The following SYNPO2 variants were observed in gnomAD, a reference collection of about 807,000 sequenced individuals.
SYNPO2 encodes the protein synaptopodin 2.
SYNPO2 carries 56 observed loss-of-function variants against 85.0 expected under a neutral mutation model. The observed-to-expected ratio is 0.66, with a 90% CI of 0.53 to 0.82. The LOEUF (loss-of-function observed/expected upper bound fraction) is 0.82, where lower values mean the gene tolerates loss of function less well. Ranked by LOEUF, SYNPO2 falls within the 40% of genes least tolerant of loss-of-function variation. The pLI, the probability that SYNPO2 is intolerant of heterozygous loss-of-function variation, is 0.00. For missense variants in SYNPO2, 1,575 were observed against 1,534.2 expected (o/e 1.03, Z -0.44); for synonymous variants, 602 against 591.1 (o/e 1.02, Z -0.27).
upstream of SYNPO2, among the ~76,000 whole-genome samples, chr4:118,887,064 C>T (rs1358863667): frequency 6.6e-6 from 1 of 152,102 alleles, no homozygotes; most frequent in Non-Finnish European, 1.5e-5. Context: ...AAGTTCTCCC[C>T]ATGTCTGTAT....
At chr4:119,004,215 C>T (rs1419123650) in intron 1 of SYNPO2, among the ~76,000 whole-genome samples, 1 of 151,514 alleles carries the variant, frequency 6.6e-6, no homozygotes, top group Admixed American at 6.6e-5. Context: ...GGAAATTGTT[C>T]AAAATTACCT....
rs768631943 is a variant in SYNPO2, at chr4:119,030,042, G to A, written c.1267G>A (p.Glu423Lys). Residue 423 changes from glutamate (E) to lysine (K), a missense_variant, in exon 4 of 5, where the codon GAG (glutamate) becomes AAG (lysine). Transcript: ENST00000307142. ...GTGELEREAD[E>K]EEEGDKEDTC... ...TGGCGAGCTTGAGCGAGAGGCGGACGAGGAGGAAGAAGGTGACAAGGAGGA... is the reference window on the plus strand; with the variant it reads ...TGGCGAGCTTGAGCGAGAGGCGGACAAGGAGGAAGAAGGTGACAAGGAGGA... The A allele has an allele frequency of 5.0e-6, 8 of 1,614,088 alleles. No homozygotes were observed.
intron 1 of SYNPO2, among the ~76,000 whole-genome samples, chr4:118,906,669 ATAAT>A (rs1328320125): frequency 2.0e-5 from 3 of 152,140 alleles, no homozygotes; most frequent in African/African-American, 7.2e-5. Flanking sequence ...TCTCCAAATT[ATAAT>A]TTGTATCTTT....
intron 1 of SYNPO2, among the ~76,000 whole-genome samples, chr4:118,941,612 C>T (rs1200897868): frequency 6.6e-6 from 1 of 152,202 alleles, no homozygotes; most frequent in East Asian, 1.9e-4. Flanking sequence ...TCTAATCCTT[C>T]CTCAGGGAAG....
chr4:119,030,067 A>C lies in SYNPO2; in HGVS notation c.1292A>C (p.Asp431Ala), dbSNP rs143692242. 7 of 1,614,012 alleles carry C rather than the reference A, an allele frequency of 4.3e-6. No individual in the cohort carries two copies. The highest frequency in any genetic ancestry group is 5.1e-6 in the Non-Finnish European group (6 of 1,180,024). The change falls in exon 4 of 5, where the codon GAT becomes GCT. Residue 431 changes from aspartate to alanine, a missense_variant. Transcript: ENST00000307142. ...GAGGAGGAAGAAGGTGACAAGGAGG[A>C]TACATGTGAAGTAGCATTTCTTGGT... ...ADEEEEGDKE[D>A]TCEVAFLGAS...
In SYNPO2 at chr4:119,030,385, A is replaced by G. The variant is rs1738175075; in HGVS notation, c.1610A>G (p.Gln537Arg). Residue 537 changes from glutamine (Q) to arginine (R), a missense_variant, in exon 4 of 5, where the codon CAA becomes CGA. Transcript: ENST00000307142. ...TDGLRTTTSY[Q>R]RKEEESVRTQ... ...GGCCTGAGAACCACGACTTCTTACC[A>G]AAGAAAGGAGGAAGAGTCGGTAAGA... 2.5e-6 allele frequency: 4 copies of G among 1,614,054 alleles called. No homozygotes were observed. The highest frequency in any genetic ancestry group is 1.3e-5 in the African/African-American group (1 of 74,920).
chr4:118,947,967 A>T (rs1734561504), intron 1 of SYNPO2, among the ~76,000 whole-genome samples: 1 of 152,174 alleles, frequency 6.6e-6, no homozygotes, highest in African/African-American at 2.4e-5. Context: ...TTAATGTTTG[A>T]TATTTCCAGG....
At chr4:118,937,186 A>G (rs186737868) in intron 1 of SYNPO2, among the ~76,000 whole-genome samples, 2 of 152,302 alleles carry the variant, frequency 1.3e-5, no homozygotes, top group South Asian at 2.1e-4. Context: ...AAAATTCCTC[A>G]TAAGTTTTGC....
At chr4:118,986,964 T>C (rs1000305891) in intron 1 of SYNPO2, among the ~76,000 whole-genome samples, 1 of 152,208 alleles carries the variant, frequency 6.6e-6, no homozygotes, top group African/African-American at 2.4e-5. Context: ...TGTCCATTCA[T>C]AGGCACTGCA....
chr4:119,026,026 C>T (rs1027687656), intron 2 of SYNPO2, among the ~76,000 whole-genome samples: 1 of 152,194 alleles, frequency 6.6e-6, no homozygotes, highest in Admixed American at 6.5e-5. Context: ...TACTCCATGA[C>T]TTAATGATTC....
At chr4:119,045,354 G>A (rs1258714257) in intron 4 of SYNPO2, among the ~76,000 whole-genome samples, 1 of 152,120 alleles carries the variant, frequency 6.6e-6, no homozygotes, top group Non-Finnish European at 1.5e-5. Context: ...GAGAGCCTGA[G>A]GTGAGAGGAT....
chr4:118,896,497 C>A (rs1315432000), intron 1 of SYNPO2, among the ~76,000 whole-genome samples: 2 of 152,096 alleles, frequency 1.3e-5, no homozygotes, highest in African/African-American at 4.8e-5. Flanking sequence ...GAGTAAACAC[C>A]TTCATGAAGT....
chr4:118,911,990 G>A (rs987448128), intron 1 of SYNPO2, among the ~76,000 whole-genome samples: 2 of 152,140 alleles, frequency 1.3e-5, no homozygotes, highest in African/African-American at 4.8e-5. Context: ...GAAAATTATG[G>A]AAAGCATTAA....
chr4:118,885,588 T>A (rs1012921654), upstream of SYNPO2, among the ~76,000 whole-genome samples: 7 of 151,754 alleles, frequency 4.6e-5, no homozygotes, highest in East Asian at 1.4e-3. Flanking sequence ...TTCTCTTGCC[T>A]CAGCCTCCCG....
At chr4:118,974,455 T>G (rs1735649706) in intron 1 of SYNPO2, among the ~76,000 whole-genome samples, 1 of 152,236 alleles carries the variant, frequency 6.6e-6, no homozygotes, top group Non-Finnish European at 1.5e-5. Flanking sequence ...TAGGTTTGAC[T>G]TCCCTCACAG....
At chr4:118,855,581 CAAA>C (rs1731491668) in intron 1 of SYNPO2, among the ~76,000 whole-genome samples, 1 of 152,030 alleles carries the variant, frequency 6.6e-6, no homozygotes, top group Non-Finnish European at 1.5e-5. Flanking sequence ...TCAATAATTT[CAAA>C]TACATTAACC....
At chr4:118,993,587 C>T (rs965122953) in intron 1 of SYNPO2, among the ~76,000 whole-genome samples, 31 of 152,134 alleles carry the variant, frequency 2.0e-4, no homozygotes, top group Non-Finnish European at 5.9e-5. Flanking sequence ...CTCCACTTTC[C>T]TCTTCAAGCA....
chr4:119,030,109 T>C lies in SYNPO2; in HGVS notation c.1334T>C (p.Val445Ala). ...TTTCTTGGTGCAAGCGAATCAGAGG[T>C]GGATGAAGAGTTATTGTCTGACGTT... is the stretch of plus-strand genomic sequence containing the variant. The part of the protein sequence containing the change: ...VAFLGASESE[V>A]DEELLSDVDD... The change falls in exon 4 of 5, where the codon GTG (valine) becomes GCG (alanine). Residue 445 changes from valine (V) to alanine (A), a missense_variant. Transcript: ENST00000307142. The C allele has an allele frequency of 1.2e-6, 2 of 1,613,516 alleles. No homozygotes were observed. The highest frequency in any genetic ancestry group is 1.7e-6 in the Non-Finnish European group (2 of 1,179,884).
At chr4:119,014,370 C>T (rs796104402) in intron 1 of SYNPO2, among the ~76,000 whole-genome samples, 10 of 152,218 alleles carry the variant, frequency 6.6e-5, no homozygotes, top group East Asian at 1.9e-4. Context: ...GCCAAGATTG[C>T]GTCTCTGCCC....
Sources: gnomAD v4.1 joint callset for allele counts (sites outside exome capture counted in the v4.1 genomes callset) on GRCh38, gnomAD v4.1.1 for gene constraint, MANE v1.5 for transcripts, NCBI Gene and HGNC (gene_info 2026-07-23, HGNC 2026-07-21) for gene names.